RCAN2: variants seen among roughly 807,000 people sequenced by gnomAD.
The protein encoded by RCAN2 is calcipressin-2.
RCAN2 carries 9 observed loss-of-function variants against 23.6 expected under a neutral mutation model. The ratio of observed to expected loss-of-function variants is 0.38; its 90% CI spans 0.23 to 0.67. The LOEUF is 0.67. Among genes scored for constraint, RCAN2 ranks in the 30% least tolerant of loss-of-function variants. RCAN2 has a pLI of 0.51. For synonymous variants in RCAN2, 109 were observed against 115.7 expected, an observed-to-expected ratio of 0.94 and a Z score of 0.37; for missense variants, 273 against 302.3, an observed-to-expected ratio of 0.90 and a Z score of 0.72.
At position 46,414,704 on chromosome 6, in the gene RCAN2, C is replaced by G. The variant is rs947437551; in HGVS notation, c.225+42048G>C. 7.2e-5 allele frequency among the ~76,000 whole-genome samples: 11 copies of G among 152,188 alleles called. No homozygotes were observed. The East Asian group carries it at 1.7e-3, about 24-fold the overall frequency. ...GGCTGCCTCTGGACTAGAACTGCAGCTCTTCTCTAGGTCTCAAGCCTGCTG... is the reference window on the plus strand; with the variant it reads ...GGCTGCCTCTGGACTAGAACTGCAGGTCTTCTCTAGGTCTCAAGCCTGCTG... On this transcript the variant is annotated intron_variant, in intron 2 of 4. Transcript: ENST00000371374.
chr6:46,269,843 G>A (rs1004691585), intron 2 of RCAN2, among the ~76,000 whole-genome samples: 1 of 152,116 alleles, frequency 6.6e-6, no homozygotes, highest in Non-Finnish European at 1.5e-5. Context: ...GTGGCAATGA[G>A]GGGAGGGGTA....
At chr6:46,339,123 A>G (rs2150371514) in intron 2 of RCAN2, among the ~76,000 whole-genome samples, 1 of 151,634 alleles carries the variant, frequency 6.6e-6, no homozygotes, top group East Asian at 1.9e-4. Flanking sequence ...ATGACTACTT[A>G]TTGAATATAC....
intron 2 of RCAN2, among the ~76,000 whole-genome samples, chr6:46,339,600 C>G (rs6910610): frequency 6.6e-6 from 1 of 151,508 alleles, no homozygotes; most frequent in African/African-American, 2.4e-5. Context: ...CAGCTTTGTG[C>G]GTTATGGGTA....
chr6:46,456,564 C>T (rs1035334143), intron 2 of RCAN2, among the ~76,000 whole-genome samples, 188 bp downstream of exon 2: 1 of 152,194 alleles, frequency 6.6e-6, no homozygotes, highest in Non-Finnish European at 1.5e-5. Flanking sequence ...ATCTACAACC[C>T]TGTCAGATGT....
intron 2 of RCAN2, among the ~76,000 whole-genome samples, chr6:46,269,407 T>C (rs1003874711): frequency 6.6e-6 from 1 of 152,250 alleles, no homozygotes; most frequent in African/African-American, 2.4e-5. Flanking sequence ...GTTCTTGTGT[T>C]ACAGCTGTCA....
intron 2 of RCAN2, among the ~76,000 whole-genome samples, chr6:46,347,332 C>T (rs1764519032): frequency 6.6e-6 from 1 of 152,178 alleles, no homozygotes. Context: ...ATGTAATGTA[C>T]ATCAGGTCAT....
chr6:46,286,113 G>T (rs1463141749), intron 2 of RCAN2, among the ~76,000 whole-genome samples: 3 of 152,120 alleles, frequency 2.0e-5, no homozygotes, highest in Non-Finnish European at 4.4e-5. Flanking sequence ...TGGCCTAAAG[G>T]TTTCTCCATG....
intron 2 of RCAN2, among the ~76,000 whole-genome samples, chr6:46,282,419 T>G (rs1397247662): frequency 6.6e-6 from 1 of 151,174 alleles, no homozygotes; most frequent in Non-Finnish European, 1.5e-5. Flanking sequence ...CTGTGGTGGC[T>G]GGTGCCAAGA....
At chr6:46,467,892 C>T (rs1205350374) in intron 1 of RCAN2, among the ~76,000 whole-genome samples, 1 of 152,146 alleles carries the variant, frequency 6.6e-6, no homozygotes, top group Non-Finnish European at 1.5e-5. Context: ...GACTGAAATC[C>T]CAGCTCCTCA....
intron 4 of RCAN2, among the ~76,000 whole-genome samples, chr6:46,226,448 T>G (rs1463463404): frequency 6.6e-6 from 1 of 152,226 alleles, no homozygotes; most frequent in Admixed American, 6.5e-5. Flanking sequence ...GTTTGTGTCC[T>G]TTTTTATTTC....
At chr6:46,237,559 T>G (rs1041441598) in intron 4 of RCAN2, among the ~76,000 whole-genome samples, 4 of 152,192 alleles carry the variant, frequency 2.6e-5, no homozygotes, top group Admixed American at 6.5e-5. Flanking sequence ...TTAAGGAGTG[T>G]TCCCTCTGTG....
At chr6:46,247,796 A>T (rs1478535580) in intron 3 of RCAN2, among the ~76,000 whole-genome samples, 1 of 152,208 alleles carries the variant, frequency 6.6e-6, no homozygotes, top group Non-Finnish European at 1.5e-5. Flanking sequence ...TATTGTGAAT[A>T]GTGCTGTTGT....
intron 2 of RCAN2, among the ~76,000 whole-genome samples, chr6:46,433,470 T>C (rs1355623641): frequency 1.3e-5 from 2 of 152,196 alleles, no homozygotes; most frequent in Non-Finnish European, 2.9e-5. Flanking sequence ...TTCTGGATTA[T>C]CCAGGTGTAA....
rs1765488789 is a variant in RCAN2 at position 46,221,932 on chromosome 6, A to G, written c.*1209T>C. 3 of 398,408 alleles carry G rather than the reference A, an allele frequency of 7.5e-6. No individual in the cohort carries two copies. The highest frequency in any genetic ancestry group is 1.3e-5 in the Non-Finnish European group (3 of 225,998). The allele number at this position is 398,408 out of a possible 1,614,324, so 24.7% of individuals were successfully genotyped here. On this transcript the variant is annotated 3_prime_UTR_variant, in exon 5 of 5. Coordinates refer to ENST00000371374, the MANE Select transcript of RCAN2 (RefSeq NM_001251974.2). ...AAAAACAAATAACTTTTTTGAGCAC[A>G]CGGGTGTCGCGTGAGTAGGACCGGC...
intron 2 of RCAN2, among the ~76,000 whole-genome samples, chr6:46,310,574 C>T (rs573328611): frequency 1.1e-4 from 16 of 147,292 alleles, no homozygotes; most frequent in Admixed American, 8.6e-4. Context: ...CATACTTCTT[C>T]CAAAGAAATC....
chr6:46,417,171 A>C (rs1766736823), intron 2 of RCAN2, among the ~76,000 whole-genome samples: 1 of 152,188 alleles, frequency 6.6e-6, no homozygotes, highest in Non-Finnish European at 1.5e-5. Context: ...ATTCATGGGC[A>C]TTTTTATGAC....
At chr6:46,405,814 G>A (rs1434996137) in intron 2 of RCAN2, among the ~76,000 whole-genome samples, 1 of 152,232 alleles carries the variant, frequency 6.6e-6, no homozygotes, top group African/African-American at 2.4e-5. Context: ...CGTGGAGCAG[G>A]GGGTGGTGCT....
chr6:46,300,145 G>A (rs1484857121), intron 2 of RCAN2, among the ~76,000 whole-genome samples: 1 of 150,840 alleles, frequency 6.6e-6, no homozygotes, highest in Non-Finnish European at 1.5e-5. Context: ...GAAAAAAGAG[G>A]GAAAAAGGGA....
intron 2 of RCAN2, among the ~76,000 whole-genome samples, chr6:46,389,479 C>T (rs1209452278): frequency 6.6e-6 from 1 of 152,206 alleles, no homozygotes; most frequent in Admixed American, 6.5e-5. Flanking sequence ...TCCCAAAGTA[C>T]TGATGACAGC....
Sources: allele counts gnomAD v4.1 joint callset (sites outside exome capture counted in the v4.1 genomes callset), GRCh38; gene constraint gnomAD v4.1.1; transcripts MANE v1.5; gene names NCBI Gene and HGNC (gene_info 2026-07-23, HGNC 2026-07-21).